The following SGCZ variants were observed in gnomAD, a reference collection of about 807,000 sequenced individuals.
SGCZ encodes sarcoglycan zeta.
In SGCZ, 40 loss-of-function variants were observed where a neutral mutation model predicts 41.3. That is an observed-to-expected ratio of 0.97 (90% CI 0.75 to 1.26). The LOEUF (loss-of-function observed/expected upper bound fraction) is 1.26, where lower values mean the gene tolerates loss of function less well. Among genes scored for constraint, SGCZ ranks in the 50% most tolerant of loss-of-function variants. SGCZ has a pLI of 0.00. For missense variants in SGCZ, 552 were observed against 369.8 expected, an observed-to-expected ratio of 1.49 and a Z score of -4.04; for synonymous variants, 206 against 137.5, an observed-to-expected ratio of 1.50 and a Z score of -3.49.
At chr8:14,136,575 C>T (rs1235815131) in intron 5 of SGCZ, among the ~76,000 whole-genome samples, 4 of 152,146 alleles carry the variant, frequency 2.6e-5, no homozygotes, top group Admixed American at 1.3e-4. Flanking sequence ...GATCAAACTG[C>T]GAGGTGGCAG....
At chr8:14,927,804 G>C (rs1270287086) in intron 1 of SGCZ, among the ~76,000 whole-genome samples, 1 of 152,136 alleles carries the variant, frequency 6.6e-6, no homozygotes, top group Non-Finnish European at 1.5e-5. Context: ...TTAACTTCTA[G>C]TCTGACCCTA....
intron 2 of SGCZ, among the ~76,000 whole-genome samples, chr8:14,408,534 C>G (rs1369819668): frequency 6.6e-6 from 1 of 152,160 alleles, no homozygotes; most frequent in Non-Finnish European, 1.5e-5. Flanking sequence ...CTGGTTCCCA[C>G]ACTTCCAAAT....
At chr8:14,343,656 G>A (rs372278836) in intron 2 of SGCZ, among the ~76,000 whole-genome samples, 1 of 152,116 alleles carries the variant, frequency 6.6e-6, no homozygotes, top group East Asian at 1.9e-4. Flanking sequence ...GTTCATTTCG[G>A]AGCCATAGAG....
chr8:14,633,689 T>A (rs986178406), intron 1 of SGCZ, among the ~76,000 whole-genome samples: 1 of 151,846 alleles, frequency 6.6e-6, no homozygotes, highest in African/African-American at 2.4e-5. Flanking sequence ...AATTTTAGAT[T>A]AGCTTTATTT....
chr8:14,964,738 G>T (rs1801076663), intron 1 of SGCZ, among the ~76,000 whole-genome samples: 2 of 152,120 alleles, frequency 1.3e-5, no homozygotes, highest in African/African-American at 4.8e-5. Flanking sequence ...TTGCAGTCCA[G>T]CCCAGAGCAA....
intron 2 of SGCZ, among the ~76,000 whole-genome samples, chr8:14,403,703 TG>T (rs1227970679): frequency 6.6e-6 from 1 of 152,170 alleles, no homozygotes; most frequent in African/African-American, 2.4e-5. Flanking sequence ...ATTATACTTC[TG>T]GGGGTTCAAA....
At chr8:14,870,306 C>T (rs73201283) in intron 1 of SGCZ, among the ~76,000 whole-genome samples, 3,478 of 151,624 alleles carry the variant, frequency 0.023, 62 homozygotes, top group South Asian at 0.054. Flanking sequence ...TCCTGGCCAA[C>T]GCGGTGAAAC....
intron 4 of SGCZ, among the ~76,000 whole-genome samples, chr8:14,187,315 T>G (rs1804938335): frequency 6.6e-6 from 1 of 152,154 alleles, no homozygotes. Flanking sequence ...ATAAATGTTT[T>G]AAAAACCCGA....
chr8:14,136,474 G>C (rs993439842), intron 5 of SGCZ, among the ~76,000 whole-genome samples: 1 of 152,164 alleles, frequency 6.6e-6, no homozygotes, highest in Non-Finnish European at 1.5e-5. Context: ...AATGGTCTTA[G>C]CAAATGGCAC....
Position 14,401,148 on chromosome 8 carries a change from A to C in SGCZ, c.235-76944T>G, listed in dbSNP as rs564677261. On this transcript the variant is annotated intron_variant, in intron 2 of 7. Coordinates refer to ENST00000382080, the MANE Select transcript of SGCZ (RefSeq NM_139167.4). ...TGTAACAGGCAACTTTGCTAGATTAATCTTGTCCAAACTAATGCAACAGCA... is the reference window on the plus strand; with the variant it reads ...TGTAACAGGCAACTTTGCTAGATTACTCTTGTCCAAACTAATGCAACAGCA... Among the ~76,000 whole-genome samples the C allele has an allele frequency of 1.2e-4, 18 of 152,252 alleles. No individual in the cohort carries two copies. The South Asian group carries it at 3.7e-3, about 32-fold the overall frequency.
At chr8:14,957,330 A>T (rs1800823426) in intron 1 of SGCZ, among the ~76,000 whole-genome samples, 1 of 152,100 alleles carries the variant, frequency 6.6e-6, no homozygotes, top group African/African-American at 2.4e-5. Context: ...CTTTTGTAGT[A>T]AAGTAAGTAT....
intron 2 of SGCZ, among the ~76,000 whole-genome samples, chr8:14,367,566 C>T (rs1803758256): frequency 6.6e-6 from 1 of 152,064 alleles, no homozygotes; most frequent in African/African-American, 2.4e-5. Context: ...CTGGGGAGGC[C>T]TCAGGAAACT....
At chr8:14,377,759 T>C (rs1804187592) in intron 2 of SGCZ, among the ~76,000 whole-genome samples, 1 of 149,314 alleles carries the variant, frequency 6.7e-6, no homozygotes, top group Non-Finnish European at 1.5e-5. Context: ...AATTCCCACC[T>C]ATGAGTGAGA....
intron 1 of SGCZ, among the ~76,000 whole-genome samples, chr8:15,012,614 TA>T (rs1358209474): frequency 1.6e-5 from 2 of 126,172 alleles, no homozygotes; most frequent in Admixed American, 1.7e-4. Context: ...ATAATACATA[TA>T]TGTTTATATA....
chr8:14,349,905 T>A (rs1464707357), intron 2 of SGCZ, among the ~76,000 whole-genome samples: 1 of 152,138 alleles, frequency 6.6e-6, no homozygotes, highest in Non-Finnish European at 1.5e-5. Flanking sequence ...TACAGGATAA[T>A]CAAAAGCTCA....
intron 1 of SGCZ, among the ~76,000 whole-genome samples, chr8:14,665,357 G>T (rs1332424159): frequency 2.6e-5 from 4 of 152,054 alleles, no homozygotes; most frequent in Non-Finnish European, 5.9e-5. Flanking sequence ...ATTTTTTATG[G>T]CTGCATAGTA....
intron 1 of SGCZ, among the ~76,000 whole-genome samples, chr8:15,156,507 T>A (rs891013935): frequency 1.3e-5 from 2 of 152,208 alleles, no homozygotes; most frequent in Admixed American, 6.5e-5. Context: ...AGTTCTTGAC[T>A]GTCATGATTT....
At chr8:14,140,870 C>T (rs1282219757) in intron 5 of SGCZ, among the ~76,000 whole-genome samples, 2 of 152,136 alleles carry the variant, frequency 1.3e-5, no homozygotes, top group African/African-American at 4.8e-5. Flanking sequence ...CCAAGACAAT[C>T]CTAAGCAAAA....
At chr8:14,657,523 CATTTA>C (rs1807615126) in intron 1 of SGCZ, among the ~76,000 whole-genome samples, 1 of 152,028 alleles carries the variant, frequency 6.6e-6, no homozygotes. Context: ...AGAAAAAAAT[CATTTA>C]ATTATTCAAA....
Sources: gnomAD v4.1 joint callset for allele counts (sites outside exome capture counted in the v4.1 genomes callset) on GRCh38, gnomAD v4.1.1 for gene constraint, MANE v1.5 for transcripts, NCBI Gene and HGNC (gene_info 2026-07-23, HGNC 2026-07-21) for gene names.